Variants in LUZP2 observed in about 807,000 individuals in gnomAD.
The protein encoded by LUZP2 is leucine zipper protein 2.
Under a neutral mutation model 51.6 loss-of-function variants are expected in LUZP2, and 52 were observed. The observed-to-expected ratio is 1.01, with a 90% CI of 0.81 to 1.27. The LOEUF (loss-of-function observed/expected upper bound fraction) is 1.27. Among genes scored for constraint, LUZP2 ranks in the 50% most tolerant of loss-of-function variants. LUZP2 has a pLI of 0.00. For missense variants in LUZP2, 436 were observed against 395.4 expected (o/e 1.10, Z -0.87); for synonymous variants, 154 against 137.3 (o/e 1.12, Z -0.85).
chr11:24,821,984 C>T (rs972604741), intron 5 of LUZP2, among the ~76,000 whole-genome samples: 2 of 149,358 alleles, frequency 1.3e-5, no homozygotes, highest in African/African-American at 2.5e-5. Flanking sequence ...ATGGTGATTT[C>T]GTTGTGTTAC....
At chr11:24,973,933 T>C (rs1855817580) in intron 7 of LUZP2, among the ~76,000 whole-genome samples, 1 of 152,142 alleles carries the variant, frequency 6.6e-6, no homozygotes, top group South Asian at 2.1e-4. Context: ...GAGAGTTCTG[T>C]AGATATCTAT....
chr11:24,679,713 A>C (rs1590338437), intron 1 of LUZP2, among the ~76,000 whole-genome samples: 1 of 152,288 alleles, frequency 6.6e-6, no homozygotes, highest in Admixed American at 6.5e-5. Flanking sequence ...GGGACTTGTA[A>C]GAAAAGTGCG....
chr11:24,616,352 T>C (rs1854285505), intron 1 of LUZP2, among the ~76,000 whole-genome samples: 1 of 152,116 alleles, frequency 6.6e-6, no homozygotes, highest in East Asian at 1.9e-4. Flanking sequence ...TTTTACATGT[T>C]ACACTTAACG....
At chr11:24,845,237 G>A (rs1328235175) in intron 5 of LUZP2, among the ~76,000 whole-genome samples, 1 of 152,230 alleles carries the variant, frequency 6.6e-6, no homozygotes, top group African/African-American at 2.4e-5. Flanking sequence ...ATCTGGATAT[G>A]AGACATGAAG....
intron 9 of LUZP2, among the ~76,000 whole-genome samples, chr11:25,028,226 C>T (rs555398745): frequency 2.9e-4 from 44 of 152,248 alleles, no homozygotes; most frequent in African/African-American, 1.1e-3. Context: ...CAGTTATAGT[C>T]TTTCATTTAT....
At position 25,065,282 on chromosome 11, in the gene LUZP2, T is replaced by C. The variant is rs562076736; in HGVS notation, c.859-12047T>C. 6.0e-4 allele frequency among the ~76,000 whole-genome samples: 91 copies of C among 152,156 alleles called. 2 individuals are homozygous for C. Among genetic ancestry groups the C allele is most frequent in the Middle Eastern group, 3.4e-3 (1 of 294 alleles). On this transcript the variant is annotated intron_variant, in intron 10 of 11. Coordinates refer to ENST00000336930, the MANE Select transcript of LUZP2 (RefSeq NM_001009909.4). The stretch of plus-strand genomic sequence containing the variant: ...TGGTACATCTTTATTAAGGGCCAAG[T>C]GAATGAACCTTATTAACATTGCCTG...
chr11:25,077,425 T>C lies in LUZP2; in HGVS notation c.936+19T>C. The stretch of plus-strand genomic sequence containing the variant: ...CCCACAGGTATGTGTTTGTTTTATT[T>C]CGTTTGTGTCAAAAAGCATTTATTG... On this transcript the variant is annotated intron_variant, in intron 11 of 11. Coordinates refer to ENST00000336930, the MANE Select transcript of LUZP2 (RefSeq NM_001009909.4). 1 of 1,471,072 alleles carries C rather than the reference T, an allele frequency of 6.8e-7. No homozygotes were observed. The highest frequency in any genetic ancestry group is 9.4e-7 in the Non-Finnish European group (1 of 1,064,226). 91.1% of individuals were successfully genotyped at this position (1,471,072 alleles called of 1,614,324 possible).
At chr11:24,862,951 G>T (rs532357635) in intron 5 of LUZP2, among the ~76,000 whole-genome samples, 10 of 152,166 alleles carry the variant, frequency 6.6e-5, no homozygotes, top group African/African-American at 2.2e-4. Flanking sequence ...CACAAGGAAA[G>T]GTGCTAATGT....
intron 1 of LUZP2, among the ~76,000 whole-genome samples, chr11:24,677,120 T>G (rs1856583911): frequency 6.6e-6 from 1 of 152,146 alleles, no homozygotes; most frequent in African/African-American, 2.4e-5. Flanking sequence ...ATATATCATT[T>G]TTTGTCTATT....
At chr11:24,837,513 G>GT (rs1297192233) in intron 5 of LUZP2, among the ~76,000 whole-genome samples, 1 of 151,670 alleles carries the variant, frequency 6.6e-6, no homozygotes, top group African/African-American at 2.4e-5. Flanking sequence ...TAGATGAAAT[G>GT]TATCAGAATG....
chr11:24,597,670 C>T (rs936702142), intron 1 of LUZP2, among the ~76,000 whole-genome samples: 5 of 152,122 alleles, frequency 3.3e-5, no homozygotes, highest in African/African-American at 1.2e-4. Flanking sequence ...ATAAATAAAG[C>T]AATAAAAGTG....
intron 3 of LUZP2, among the ~76,000 whole-genome samples, chr11:24,736,856 C>T (rs1858961233): frequency 6.6e-6 from 1 of 151,954 alleles, no homozygotes; most frequent in Non-Finnish European, 1.5e-5. Flanking sequence ...AAAAGCATCA[C>T]CCAAGAAGGC....
At chr11:24,936,705 A>G (rs886729434) in intron 7 of LUZP2, among the ~76,000 whole-genome samples, 1 of 151,836 alleles carries the variant, frequency 6.6e-6, no homozygotes, top group Non-Finnish European at 1.5e-5. Context: ...CACTTTTTCT[A>G]TAGTCTTTGT....
intron 7 of LUZP2, among the ~76,000 whole-genome samples, chr11:24,964,648 C>T (rs189201468): frequency 1.6e-3 from 243 of 152,070 alleles, no homozygotes; most frequent in Non-Finnish European, 8.5e-4. Context: ...GTGGCTATTC[C>T]TCCTAGCAAT....
chr11:24,843,188 T>G (rs2716511), intron 5 of LUZP2, among the ~76,000 whole-genome samples: 1 of 151,870 alleles, frequency 6.6e-6, no homozygotes. Context: ...AATAATATGG[T>G]GATTTAACAG....
intron 9 of LUZP2, among the ~76,000 whole-genome samples, chr11:24,996,388 G>A (rs993653675): frequency 4.0e-5 from 6 of 150,364 alleles, no homozygotes; most frequent in African/African-American, 1.5e-4. Flanking sequence ...TTCTAGAATG[G>A]ATCTAATGTA....
chr11:24,527,089 T>G (rs1850830896), intron 1 of LUZP2, among the ~76,000 whole-genome samples: 1 of 151,396 alleles, frequency 6.6e-6, no homozygotes, highest in African/African-American at 2.4e-5. Flanking sequence ...TTTTAACTCA[T>G]AAACATTTGG....
chr11:25,027,483 T>G (rs1857525535), intron 9 of LUZP2, among the ~76,000 whole-genome samples: 1 of 152,168 alleles, frequency 6.6e-6, no homozygotes, highest in South Asian at 2.1e-4. Flanking sequence ...TTATTTTTAG[T>G]CTATATAAAA....
intron 1 of LUZP2, among the ~76,000 whole-genome samples, chr11:24,677,807 T>C (rs1205766429): frequency 6.6e-6 from 1 of 152,012 alleles, no homozygotes; most frequent in Non-Finnish European, 1.5e-5. Flanking sequence ...CCCAGCACTT[T>C]GGGAGGCCGA....
Sources: allele counts gnomAD v4.1 joint callset (sites outside exome capture counted in the v4.1 genomes callset), GRCh38; gene constraint gnomAD v4.1.1; transcripts MANE v1.5; gene names NCBI Gene and HGNC (gene_info 2026-07-23, HGNC 2026-07-21).